SYT2: variants seen among roughly 807,000 people sequenced by gnomAD.
SYT2 encodes the protein synaptotagmin 2, also known as synaptotagmin-2.
Under a neutral mutation model 39.9 loss-of-function variants are expected in SYT2, and 15 were observed. The observed-to-expected ratio is 0.38, with a 90% CI of 0.25 to 0.58. The LOEUF (loss-of-function observed/expected upper bound fraction) is 0.58. Ranked by LOEUF, SYT2 falls within the 20% of genes least tolerant of loss-of-function variation. The probability of loss-of-function intolerance (pLI) is 0.70; values close to 1 mark genes in which losing one functional copy is unlikely to be tolerated. For synonymous variants in SYT2, 181 were observed against 204.5 expected (o/e 0.89, Z 0.98); for missense variants, 389 against 530.3 (o/e 0.73, Z 2.62).
rs1484033641 is a variant in SYT2, at chr1:202,603,094, G to T, written c.370C>A (p.Leu124Met). 9 of 1,614,084 alleles carry T rather than the reference G, an allele frequency of 5.6e-6. No homozygotes were observed. Among genetic ancestry groups the T allele is most frequent in the Non-Finnish European group, 7.6e-6 (9 of 1,179,996 alleles). Residue 124 changes from leucine to methionine, a missense_variant, in exon 4 of 9, where the codon CTG becomes ATG. Physicochemically the swap from Leu to Met is conservative, Grantham distance 15. This residue lies in a region of SYT2 where 280 missense variants were observed against 335.6 expected (regional missense o/e 0.83). Transcript: ENST00000367268. ...GQDDDDAETG[L>M]TEGEGEGEEE... ...TCCCCTTCACCTTCCCCCTCAGTCA[G>T]GCCTGTCTCTGCGTCGTCGTCATCC...
At chr1:202,653,009 TC>T (rs2149102765) in intron 1 of SYT2, among the ~76,000 whole-genome samples, 2 of 140,484 alleles carry the variant, frequency 1.4e-5, no homozygotes, top group South Asian at 4.8e-4. Context: ...TGCCTGCAAG[TC>T]CCCCAGCTCT....
At chr1:202,619,956 T>C (rs1691160337) in intron 1 of SYT2, among the ~76,000 whole-genome samples, 1 of 152,200 alleles carries the variant, frequency 6.6e-6, no homozygotes, top group Non-Finnish European at 1.5e-5. Context: ...GTAAGTGACC[T>C]GCCCAAGGTC....
chr1:202,624,935 GT>G (rs1691333195), intron 1 of SYT2, among the ~76,000 whole-genome samples: 1 of 144,600 alleles, frequency 6.9e-6, no homozygotes, highest in Admixed American at 6.9e-5. Flanking sequence ...TCTGTGTGGT[GT>G]GTTTGTGTAG....
chr1:202,642,579 G>A (rs920582372), intron 1 of SYT2, among the ~76,000 whole-genome samples: 15 of 152,130 alleles, frequency 9.9e-5, no homozygotes, highest in African/African-American at 3.6e-4. Flanking sequence ...GCCGTGGCGC[G>A]TGTCAAAGTG....
At chr1:202,678,017 T>G (rs557824996) in intron 1 of SYT2, among the ~76,000 whole-genome samples, 17 of 152,342 alleles carry the variant, frequency 1.1e-4, no homozygotes, top group African/African-American at 3.8e-4. Flanking sequence ...CTCATGCCTG[T>G]AATCCCAGCA....
chr1:202,639,406 G>A (rs1362263230), intron 1 of SYT2: 1 of 674,706 alleles, frequency 1.5e-6, no homozygotes, highest in African/African-American at 2.0e-5. Context: ...TACAAGGGCT[G>A]GCAAGCTCCG....
intron 1 of SYT2, among the ~76,000 whole-genome samples, chr1:202,650,264 C>T (rs776128722): frequency 7.2e-5 from 11 of 152,276 alleles, no homozygotes; most frequent in South Asian, 4.2e-4. Flanking sequence ...ACCTGTGAGC[C>T]GGGGTGTCCA....
At chr1:202,674,910 G>GTCTCCTCTTCATGAGAGGTCAC (rs11267177) in intron 1 of SYT2, among the ~76,000 whole-genome samples, 1 of 151,816 alleles carries the variant, frequency 6.6e-6, no homozygotes, top group Non-Finnish European at 1.5e-5. Flanking sequence ...TAATCTCAAT[G>GTCTCCTCTTCATGAGAGGTCAC]TCATGATCTC....
Position 202,690,020 on chromosome 1 carries a change from T to C in SYT2, c.-18+20238A>G, listed in dbSNP as rs139164322. 4.8e-3 allele frequency among the ~76,000 whole-genome samples: 724 copies of C among 152,122 alleles called. 1 individual carries two copies. The highest frequency in any genetic ancestry group is 0.02 in the Middle Eastern group (6 of 294). On this transcript the variant is annotated intron_variant, in intron 1 of 8. Transcript: ENST00000367268. ...TGCTGAATATTTCATACAGGAGCAA[T>C]GATCCATTAGTCACCATCAATTATT...
chr1:202,633,074 G>A (rs1378194138), intron 1 of SYT2, among the ~76,000 whole-genome samples: 3 of 152,208 alleles, frequency 2.0e-5, no homozygotes, highest in East Asian at 1.9e-4. Context: ...AGATGCAGAC[G>A]CGCCTCGCTT....
intron 1 of SYT2, among the ~76,000 whole-genome samples, chr1:202,691,714 AGGGAGAGGGAGAGG>A (rs565062847): frequency 0.21 from 10,488 of 49,844 alleles, 2,244 homozygotes; most frequent in East Asian, 0.39. Context: ...GGAGAGGGAG[AGGGAGAGGGAGAGG>A]GGGGGAGAGA....
At position 202,596,292 on chromosome 1, in the gene SYT2, CACACACACACACACAT is replaced by C. The variant is rs879561557; in HGVS notation, c.*449_*464del. On this transcript the variant is annotated 3_prime_UTR_variant, in exon 9 of 9. Coordinates refer to ENST00000367268, the MANE Select transcript of SYT2 (RefSeq NM_177402.5). The stretch of plus-strand genomic sequence containing the variant: ...AGACACACACACACACACACACACA[CACACACACACACACAT>C]ACACACACACACACACACACACACA... 8,849 of 92,886 alleles carry C rather than the reference CACACACACACACACAT, an allele frequency of 0.095. 579 individuals carry two copies. Among genetic ancestry groups the C allele is most frequent in the South Asian group, 0.12 (354 of 2,904 alleles). The allele number at this position is 92,886 out of a possible 1,614,324, so 5.8% of individuals were successfully genotyped here.
chr1:202,617,186 G>C (rs1264230784), intron 1 of SYT2, among the ~76,000 whole-genome samples: 1 of 152,106 alleles, frequency 6.6e-6, no homozygotes, highest in African/African-American at 2.4e-5. Context: ...TGTATATGCT[G>C]TGCCCCCTTC....
chr1:202,600,605 A>G (rs1558422372), intron 6 of SYT2, 131 bp from the exon 7 acceptor site: 3 of 742,610 alleles, frequency 4.0e-6, no homozygotes, highest in Non-Finnish European at 6.9e-6. Flanking sequence ...GTCCCCATAT[A>G]TGTGATGGCC....
chr1:202,607,843 T>C (rs1303679365), intron 1 of SYT2, among the ~76,000 whole-genome samples: 2 of 151,740 alleles, frequency 1.3e-5, no homozygotes, highest in Non-Finnish European at 2.9e-5. Context: ...CATGTCCATC[T>C]CCCCTCACTT....
At chr1:202,695,268 C>T (rs557082800) in intron 1 of SYT2, among the ~76,000 whole-genome samples, 1 of 152,298 alleles carries the variant, frequency 6.6e-6, no homozygotes, top group South Asian at 2.1e-4. Flanking sequence ...AACAAAAAGT[C>T]TAAGGACACA....
intron 1 of SYT2, among the ~76,000 whole-genome samples, chr1:202,680,500 C>T (rs923638783): frequency 5.3e-5 from 8 of 152,064 alleles, no homozygotes; most frequent in East Asian, 1.9e-4. Context: ...ATGATCATGC[C>T]GCTGCCCTCC....
intron 1 of SYT2, among the ~76,000 whole-genome samples, chr1:202,706,422 C>T (rs762659361): frequency 2.6e-5 from 4 of 152,066 alleles, no homozygotes; most frequent in Non-Finnish European, 1.5e-5. Flanking sequence ...ATGAAAAGCA[C>T]TTACTCCTCC....
intron 1 of SYT2, among the ~76,000 whole-genome samples, chr1:202,700,173 G>A (rs550373242): frequency 6.6e-6 from 1 of 152,244 alleles, no homozygotes; most frequent in African/African-American, 2.4e-5. Context: ...ATCCCCAGAG[G>A]CCACCTGGAA....
Sources: gnomAD v4.1 joint callset for allele counts (sites outside exome capture counted in the v4.1 genomes callset) on GRCh38, gnomAD v4.1.1 for gene constraint, gnomAD v4.1.1 regional missense constraint, MANE v1.5 for transcripts, NCBI Gene and HGNC (gene_info 2026-07-23, HGNC 2026-07-21) for gene names.